The following IL1RAP variants were observed in gnomAD, a reference collection of about 807,000 sequenced individuals.
The protein encoded by IL1RAP is interleukin-1 receptor accessory protein.
In IL1RAP, 35 loss-of-function variants were observed where a neutral mutation model predicts 60.7. The observed-to-expected ratio is 0.58, with a 90% CI of 0.44 to 0.76. IL1RAP has a LOEUF of 0.76. Ranked by LOEUF, IL1RAP falls within the 30% of genes least tolerant of loss-of-function variation. The pLI is 0.00. For missense variants in IL1RAP, 572 were observed against 693.9 expected, an observed-to-expected ratio of 0.82 and a Z score of 1.97; for synonymous variants, 268 against 250.9, an observed-to-expected ratio of 1.07 and a Z score of -0.64.
chr3:190,611,842 G>A (rs933498022), intron 5 of IL1RAP, among the ~76,000 whole-genome samples: 2 of 152,128 alleles, frequency 1.3e-5, no homozygotes, highest in Non-Finnish European at 2.9e-5. Flanking sequence ...GGTAGAAAAG[G>A]AGTGAGGAAG....
At chr3:190,518,047 G>A (rs1300841366) in intron 1 of IL1RAP, 2 of 150,654 alleles carry the variant, frequency 1.3e-5, no homozygotes, top group African/African-American at 2.4e-5. Flanking sequence ...TGATATTTCG[G>A]TGGATAAATT....
At chr3:190,623,788 G>T (rs929735971) in intron 7 of IL1RAP, among the ~76,000 whole-genome samples, 27 of 152,310 alleles carry the variant, frequency 1.8e-4, no homozygotes, top group African/African-American at 6.0e-4. Context: ...GTCAGTGGTG[G>T]ATCTTGAAGG....
intron 5 of IL1RAP, among the ~76,000 whole-genome samples, chr3:190,612,468 C>G (rs894210447): frequency 6.6e-6 from 1 of 152,108 alleles, no homozygotes; most frequent in Non-Finnish European, 1.5e-5. Flanking sequence ...CCCTTTAGAA[C>G]AGACCAAATT....
intron 3 of IL1RAP, among the ~76,000 whole-genome samples, chr3:190,568,466 C>T (rs576278351): frequency 6.6e-6 from 1 of 152,260 alleles, no homozygotes; most frequent in Admixed American, 6.5e-5. Flanking sequence ...ATTCCTTTTC[C>T]ATTATATTTT....
chr3:190,590,357 G>A (rs375264505), intron 3 of IL1RAP, among the ~76,000 whole-genome samples: 25 of 151,842 alleles, frequency 1.6e-4, no homozygotes, highest in Non-Finnish European at 3.4e-4. Flanking sequence ...CCGGGTTCAA[G>A]CAATTCTCCT....
chr3:190,535,752 G>C lies in IL1RAP; in HGVS notation c.-88-20378G>C, dbSNP rs16865567. ...AAGATTCATGTATCCTGGCTTAATA[G>C]CTCAGATTATTTCCAAAAACCCACT... On this transcript the variant is annotated intron_variant, in intron 1 of 11. Coordinates refer to ENST00000447382, the MANE Select transcript of IL1RAP (RefSeq NM_002182.4). Among the ~76,000 whole-genome samples, 1,131 of 152,254 alleles carry C rather than the reference G, an allele frequency of 7.4e-3. 11 individuals are homozygous for C. The highest frequency in any genetic ancestry group is 0.026 in the African/African-American group (1,088 of 41,534).
chr3:190,519,529 A>G (rs552893502), intron 1 of IL1RAP, among the ~76,000 whole-genome samples: 131 of 152,226 alleles, frequency 8.6e-4, no homozygotes, highest in Admixed American at 1.4e-3. Flanking sequence ...TTGGTCCACT[A>G]CAGCATATTT....
chr3:190,562,803 C>G (rs532693213), intron 2 of IL1RAP, among the ~76,000 whole-genome samples: 6 of 151,884 alleles, frequency 4.0e-5, no homozygotes, highest in African/African-American at 1.4e-4. Context: ...ATGCTCAATA[C>G]ATGTTTTATT....
rs960762412 is a variant in IL1RAP, at chr3:190,650,080, T to TTG, written c.*1385_*1386dup. The stretch of plus-strand genomic sequence containing the variant: ...CATGAAATATATATATATATATAAT[T>TTG]TGTGTGTGTGTATGTGTATGTATAT... On this transcript the variant is annotated 3_prime_UTR_variant, in exon 12 of 12. Coordinates refer to ENST00000447382, the MANE Select transcript of IL1RAP (RefSeq NM_002182.4). 14 of 697,564 alleles carry TTG rather than the reference T, an allele frequency of 2.0e-5. No individual in the cohort carries two copies. Among genetic ancestry groups the TTG allele is most frequent in the Non-Finnish European group, 2.1e-5 (12 of 568,222 alleles). The allele number at this position is 697,564 out of a possible 1,614,324, so 43.2% of individuals were successfully genotyped here. A position where few individuals can be genotyped will look rare whatever the true frequency, so the allele number is the denominator to read the frequency against.
At position 190,629,153 on chromosome 3, in the gene IL1RAP, C is replaced by T. The variant is rs1017728721; in HGVS notation, c.903-197C>T. On this transcript the variant is annotated intron_variant, in intron 8 of 11. Coordinates refer to ENST00000447382, the MANE Select transcript of IL1RAP (RefSeq NM_002182.4). ...GTCTAGACAATGGGATAGTGTGTAG[C>T]GTAGATGGTATAGTATAGTGTTAGA... 5.3e-5 allele frequency among the ~76,000 whole-genome samples: 8 copies of T among 152,246 alleles called. No homozygotes were observed. The South Asian group carries it at 8.3e-4, about 16-fold the overall frequency.
chr3:190,605,344 A>C (rs963369526), intron 4 of IL1RAP, among the ~76,000 whole-genome samples: 1 of 152,098 alleles, frequency 6.6e-6, no homozygotes, highest in East Asian at 1.9e-4. Flanking sequence ...AAAAAAACAA[A>C]AAAACAAAAC....
At position 190,514,154 on chromosome 3, in the gene IL1RAP, C is replaced by A. The variant is rs1721290731; in HGVS notation, c.-154C>A. 1 of 152,286 alleles carries A rather than the reference C, an allele frequency of 6.6e-6. No individual in the cohort carries two copies. Among genetic ancestry groups the A allele is most frequent in the African/African-American group, 2.4e-5 (1 of 41,462 alleles). The allele number at this position is 152,286 out of a possible 1,614,324, so 9.4% of individuals were successfully genotyped here. On this transcript the variant is annotated 5_prime_UTR_variant, in exon 1 of 12. Transcript: ENST00000447382. ...CTTTGGCCAGAGGCGCGGAAGGAAG[C>A]AGTGCCCGGCGACACTGCACCCATC...
intron 10 of IL1RAP, among the ~76,000 whole-genome samples, chr3:190,644,947 G>T (rs1399524386): frequency 6.6e-6 from 1 of 152,160 alleles, no homozygotes; most frequent in Non-Finnish European, 1.5e-5. Flanking sequence ...CTCAGATAGA[G>T]ATCTGTGAAC....
intron 5 of IL1RAP, among the ~76,000 whole-genome samples, chr3:190,610,516 T>A (rs910514694): frequency 6.6e-6 from 1 of 151,640 alleles, no homozygotes; most frequent in Non-Finnish European, 1.5e-5. Context: ...AAATTAAAAT[T>A]AAAAAAATGA....
At chr3:190,583,402 T>C (rs1728172951) in intron 3 of IL1RAP, among the ~76,000 whole-genome samples, 1 of 152,234 alleles carries the variant, frequency 6.6e-6, no homozygotes, top group African/African-American at 2.4e-5. Context: ...GCCAGAGAGT[T>C]CTGAAGAAGC....
At chr3:190,608,561 T>C (rs1398340224) in intron 4 of IL1RAP, among the ~76,000 whole-genome samples, 1 of 152,148 alleles carries the variant, frequency 6.6e-6, no homozygotes, top group East Asian at 1.9e-4. Context: ...GGTTTGTTTA[T>C]ACCAGCATCA....
intron 9 of IL1RAP, among the ~76,000 whole-genome samples, chr3:190,634,335 C>A (rs1310707696): frequency 6.8e-6 from 1 of 146,148 alleles, no homozygotes; most frequent in Non-Finnish European, 1.5e-5. Context: ...GTTGCCCAGG[C>A]TGGAGTACAG....
At chr3:190,587,088 A>G (rs1728526750) in intron 3 of IL1RAP, among the ~76,000 whole-genome samples, 1 of 152,222 alleles carries the variant, frequency 6.6e-6, no homozygotes, top group African/African-American at 2.4e-5. Context: ...GTTAGCATGG[A>G]TTATAAACCC....
chr3:190,514,983 A>G (rs1452244659), intron 1 of IL1RAP, among the ~76,000 whole-genome samples: 1 of 152,170 alleles, frequency 6.6e-6, no homozygotes, highest in South Asian at 2.1e-4. Context: ...CAAACATAAA[A>G]GCAAACTTCG....
Sources: gnomAD v4.1 joint callset for allele counts (sites outside exome capture counted in the v4.1 genomes callset) on GRCh38, gnomAD v4.1.1 for gene constraint, MANE v1.5 for transcripts, NCBI Gene and HGNC (gene_info 2026-07-23, HGNC 2026-07-21) for gene names.